Variants in SLC1A3 observed in about 807,000 individuals in gnomAD.
SLC1A3 encodes the protein solute carrier family 1 member 3, also known as excitatory amino acid transporter 1.
In SLC1A3, 21 loss-of-function variants were observed where a neutral mutation model predicts 48.1. The observed-to-expected ratio is 0.44, with a 90% CI of 0.31 to 0.63. The LOEUF (loss-of-function observed/expected upper bound fraction) is 0.63, where lower values mean the gene tolerates loss of function less well. Ranked by LOEUF, SLC1A3 falls within the 20% of genes least tolerant of loss-of-function variation. The pLI is 0.08. For missense variants in SLC1A3, 546 were observed against 689.0 expected, an observed-to-expected ratio of 0.79 and a Z score of 2.32; for synonymous variants, 239 against 251.4, an observed-to-expected ratio of 0.95 and a Z score of 0.47.
intron 2 of SLC1A3, among the ~76,000 whole-genome samples, chr5:36,618,663 G>A (rs1414423675): frequency 6.6e-6 from 1 of 151,686 alleles, no homozygotes; most frequent in Non-Finnish European, 1.5e-5. Context: ...GAACAGAAAA[G>A]GGAATAGATG....
chr5:36,629,658 G>T (rs542775051), intron 3 of SLC1A3, 71 bp downstream of exon 3: 1 of 1,372,904 alleles, frequency 7.3e-7, no homozygotes, highest in East Asian at 2.3e-5. Flanking sequence ...GCTTAGAAAA[G>T]CCAGTGCTTT....
chr5:36,663,917 G>A (rs183280970), intron 3 of SLC1A3, among the ~76,000 whole-genome samples: 26 of 152,202 alleles, frequency 1.7e-4, no homozygotes, highest in African/African-American at 4.8e-4. Context: ...TCAAAATTCC[G>A]TGAAGTGAAC....
At chr5:36,673,336 G>A (rs776818544) in intron 4 of SLC1A3, among the ~76,000 whole-genome samples, 3 of 152,274 alleles carry the variant, frequency 2.0e-5, no homozygotes, top group Middle Eastern at 3.4e-3. Context: ...TTTAAGAGAT[G>A]AGTCAAATGA....
chr5:36,680,268 T>C (rs1360407096), intron 7 of SLC1A3, 127 bp from the exon 8 acceptor site: 1 of 801,624 alleles, frequency 1.2e-6, no homozygotes, highest in Non-Finnish European at 2.1e-6. Context: ...TTTATACAAT[T>C]GCTGACTTAG....
chr5:36,643,554 C>A (rs953660946), intron 3 of SLC1A3, among the ~76,000 whole-genome samples: 1 of 152,118 alleles, frequency 6.6e-6, no homozygotes, highest in African/African-American at 2.4e-5. Flanking sequence ...ATATATTAAA[C>A]TTACACCTTG....
chr5:36,652,271 G>C (rs1035211319), intron 3 of SLC1A3, among the ~76,000 whole-genome samples: 1 of 152,088 alleles, frequency 6.6e-6, no homozygotes, highest in Admixed American at 6.6e-5. Flanking sequence ...CCAGATGTGA[G>C]GAAAGATTTA....
intron 3 of SLC1A3, chr5:36,667,668 T>C (rs554538829): frequency 2.0e-4 from 31 of 152,316 alleles, no homozygotes; most frequent in African/African-American, 7.5e-4. Flanking sequence ...CAATCAAAGA[T>C]AGGACTTAGC....
upstream of SLC1A3, among the ~76,000 whole-genome samples, chr5:36,603,646 A>G (rs35668907): frequency 6.6e-6 from 1 of 151,844 alleles, no homozygotes; most frequent in African/African-American, 2.4e-5. Flanking sequence ...AGAAAAAAAA[A>G]TCAAAACAAA....
intron 3 of SLC1A3, among the ~76,000 whole-genome samples, chr5:36,650,255 C>A (rs923470005): frequency 1.3e-5 from 2 of 152,182 alleles, no homozygotes; most frequent in African/African-American, 4.8e-5. Context: ...GAGGGAAAGG[C>A]TGCTTTCCAC....
intron 8 of SLC1A3, among the ~76,000 whole-genome samples, chr5:36,682,589 C>T (rs538581946): frequency 6.6e-6 from 1 of 152,294 alleles, no homozygotes; most frequent in African/African-American, 2.4e-5. Flanking sequence ...ATTTCTCTTT[C>T]ATGCAGCACA....
Position 36,616,393 on chromosome 5 carries a change from C to T in SLC1A3, c.181+7789C>T, listed in dbSNP as rs75940326. ...ATACCCTGGATAAGTTAAGGGAGGG[C>T]GCTCCCTTTTTCCCTTTGTATAACT... On this transcript the variant is annotated intron_variant, in intron 2 of 9. Coordinates refer to ENST00000265113, the MANE Select transcript of SLC1A3 (RefSeq NM_004172.5). 2.7e-3 allele frequency among the ~76,000 whole-genome samples: 418 copies of T among 152,266 alleles called. 2 individuals carry two copies. The highest frequency in any genetic ancestry group is 4.2e-3 in the Non-Finnish European group (286 of 68,002).
intron 9 of SLC1A3, among the ~76,000 whole-genome samples, chr5:36,685,395 G>T (rs1003846919): frequency 5.9e-5 from 9 of 152,148 alleles, no homozygotes; most frequent in Admixed American, 5.9e-4. Context: ...TCCTGCCTCA[G>T]CCTCCTGAGT....
At chr5:36,604,853 CG>C (rs1738860740), upstream of SLC1A3, among the ~76,000 whole-genome samples, 1 of 142,426 alleles carries the variant, frequency 7.0e-6, no homozygotes, top group Non-Finnish European at 1.5e-5. Flanking sequence ...ATTTCTCTTT[CG>C]AGTTCCCTTG....
At position 36,639,573 on chromosome 5, in the gene SLC1A3, T is replaced by A. The variant is rs990842796; in HGVS notation, c.319+9986T>A. Among the ~76,000 whole-genome samples, 4 of 152,344 alleles carry A rather than the reference T, an allele frequency of 2.6e-5. No individual in the cohort carries two copies. In the South Asian group the frequency reaches 8.3e-4, roughly 32 times the overall value. ...TTGTAGTCTATTTCTGAATGATTGA[T>A]GACTAAAAGCAGAGCTGTTAGAGCA... On this transcript the variant is annotated intron_variant, in intron 3 of 9. Coordinates refer to ENST00000265113, the MANE Select transcript of SLC1A3 (RefSeq NM_004172.5).
chr5:36,622,796 G>T (rs1739730914), intron 2 of SLC1A3, among the ~76,000 whole-genome samples: 1 of 152,068 alleles, frequency 6.6e-6, no homozygotes, highest in Non-Finnish European at 1.5e-5. Context: ...CAGATCACGA[G>T]GTCAGGAGAT....
intron 2 of SLC1A3, among the ~76,000 whole-genome samples, chr5:36,617,391 G>T (rs534243022): frequency 9.1e-6 from 1 of 110,348 alleles, no homozygotes; most frequent in South Asian, 3.3e-4. Flanking sequence ...GATTAAAAAA[G>T]AAAGAGGGAG....
intron 3 of SLC1A3, among the ~76,000 whole-genome samples, chr5:36,649,125 C>A (rs990801477): frequency 6.6e-6 from 1 of 152,042 alleles, no homozygotes; most frequent in Non-Finnish European, 1.5e-5. Context: ...GGGTGGATCA[C>A]CTGAGATTGG....
Position 36,634,287 on chromosome 5 carries a change from T to TATAAATAAATAA in SLC1A3, c.319+4716_319+4727dup, listed in dbSNP as rs60704367. On this transcript the variant is annotated intron_variant, in intron 3 of 9. Transcript: ENST00000265113. ...TGAGGCTCTGTCTCAAAAAAAGAAA[T>TATAAATAAATAA]ATAAATAAATAAATAAATAAATAAA... Among the ~76,000 whole-genome samples the TATAAATAAATAA allele has an allele frequency of 3.8e-3, 572 of 149,974 alleles. 2 individuals carry two copies. The highest frequency in any genetic ancestry group is 0.02 in the East Asian group (100 of 5,096).
At chr5:36,637,741 G>A (rs777715758) in intron 3 of SLC1A3, among the ~76,000 whole-genome samples, 15 of 152,108 alleles carry the variant, frequency 9.9e-5, no homozygotes, top group Non-Finnish European at 1.8e-4. Flanking sequence ...GTTGGGGTTG[G>A]AGGTGGGGAA....
Sources: allele counts gnomAD v4.1 joint callset (sites outside exome capture counted in the v4.1 genomes callset), GRCh38; gene constraint gnomAD v4.1.1; transcripts MANE v1.5; gene names NCBI Gene and HGNC (gene_info 2026-07-23, HGNC 2026-07-21).